The following DGKG variants were observed in gnomAD, a reference collection of about 807,000 sequenced individuals.
DGKG encodes DAG kinase gamma.
A neutral mutation model predicts 105.3 loss-of-function variants in DGKG; 78 were observed. That is an observed-to-expected ratio of 0.74 (90% CI 0.62 to 0.89). The LOEUF is 0.89. Among genes scored for constraint, DGKG ranks in the 40% least tolerant of loss-of-function variants. The pLI is 0.00. For synonymous variants in DGKG, 346 were observed against 367.1 expected, an observed-to-expected ratio of 0.94 and a Z score of 0.66; for missense variants, 958 against 1,020.1, an observed-to-expected ratio of 0.94 and a Z score of 0.83.
intron 2 of DGKG, among the ~76,000 whole-genome samples, chr3:186,310,291 C>CAAAAAAAAA (rs1724476497): frequency 1.9e-4 from 11 of 56,750 alleles, no homozygotes; most frequent in East Asian, 4.5e-4. Context: ...AAAAAAAAAC[C>CAAAAAAAAA]ACACACACAC....
At chr3:186,296,739 C>T (rs1723582720) in intron 5 of DGKG, among the ~76,000 whole-genome samples, 2 of 152,218 alleles carry the variant, frequency 1.3e-5, no homozygotes, top group Non-Finnish European at 1.5e-5. Flanking sequence ...GATTGAATCC[C>T]TGGCTCCACA....
intron 1 of DGKG, among the ~76,000 whole-genome samples, chr3:186,349,919 C>T (rs1726545770): frequency 6.6e-6 from 1 of 151,648 alleles, no homozygotes; most frequent in African/African-American, 2.4e-5. Context: ...GGGTCTCACT[C>T]TCTTGCCCAG....
At chr3:186,261,830 G>A (rs761106238) in intron 14 of DGKG, 52 bp from the exon 15 acceptor site, 10 of 1,205,838 alleles carry the variant, frequency 8.3e-6, no homozygotes, top group African/African-American at 3.0e-5. Context: ...AATAGGGGGC[G>A]TGAGATGAGA....
chr3:186,262,803 C>T (rs907654940), intron 14 of DGKG, among the ~76,000 whole-genome samples: 3 of 152,056 alleles, frequency 2.0e-5, no homozygotes, highest in Non-Finnish European at 4.4e-5. Context: ...TTCCATGTCC[C>T]GAAATGCCCA....
At chr3:186,263,994 G>A (rs1242588578) in intron 14 of DGKG, among the ~76,000 whole-genome samples, 1 of 152,202 alleles carries the variant, frequency 6.6e-6, no homozygotes, top group African/African-American at 2.4e-5. Flanking sequence ...GTGATGCCCA[G>A]AAGCATCTTG....
chr3:186,164,723 G>T (rs1716452540), intron 23 of DGKG, among the ~76,000 whole-genome samples, 175 bp downstream of exon 23: 1 of 152,192 alleles, frequency 6.6e-6, no homozygotes, highest in Admixed American at 6.5e-5. Context: ...GTTTTAGATG[G>T]GCGCATTATA....
At chr3:186,311,854 C>T (rs955997210) in intron 2 of DGKG, among the ~76,000 whole-genome samples, 6 of 129,490 alleles carry the variant, frequency 4.6e-5, no homozygotes, top group South Asian at 4.4e-4. Context: ...CGGTGGCTCA[C>T]GCCTGTAATC....
At chr3:186,298,287 A>C in intron 3 of DGKG, 58 bp from the exon 4 acceptor site, 2 of 1,490,800 alleles carry the variant, frequency 1.3e-6, no homozygotes. Context: ...AGAGAGGAAG[A>C]GAGAAGGAAA....
intron 3 of DGKG, among the ~76,000 whole-genome samples, chr3:186,302,690 C>T (rs541383298): frequency 2.0e-4 from 31 of 151,374 alleles, no homozygotes; most frequent in Non-Finnish European, 3.8e-4. Context: ...CAGTACAGTG[C>T]TGGGCACCAA....
At chr3:186,346,710 A>G (rs1388059487) in intron 1 of DGKG, among the ~76,000 whole-genome samples, 1 of 148,910 alleles carries the variant, frequency 6.7e-6, no homozygotes. Flanking sequence ...TACTGCCAGA[A>G]CAAGTTCTAC....
At chr3:186,234,129 C>T (rs1451448683) in intron 20 of DGKG, among the ~76,000 whole-genome samples, 2 of 152,234 alleles carry the variant, frequency 1.3e-5, no homozygotes, top group Admixed American at 6.5e-5. Flanking sequence ...TCTTGCATTC[C>T]AGTCACCTTT....
Position 186,288,748 on chromosome 3 carries a change from G to T in DGKG, c.506C>A (p.Ser169Tyr), listed in dbSNP as rs781091064. 6 of 1,614,164 alleles carry T rather than the reference G, an allele frequency of 3.7e-6. No homozygotes were observed. The highest frequency in any genetic ancestry group is 5.1e-6 in the Non-Finnish European group (6 of 1,180,024). ...VYLKDVVCYL[S>Y]LLETGRPQDK... ...CTGAGGCCTCCCCGTCTCCAGCAGG[G>T]ACAGGTAGCACACAACATCCTTCAG... The change falls in exon 6 of 25, where the codon TCC becomes TAC. Residue 169 changes from serine (S) to tyrosine (Y), a missense_variant. Coordinates refer to ENST00000265022, the MANE Select transcript of DGKG (RefSeq NM_001346.3).
intron 15 of DGKG, among the ~76,000 whole-genome samples, chr3:186,261,265 A>T (rs1476469870): frequency 6.6e-6 from 1 of 152,182 alleles, no homozygotes; most frequent in African/African-American, 2.4e-5. Context: ...GCCTCCGCTG[A>T]ACTGGGCATT....
chr3:186,353,767 G>A (rs1726770108), intron 1 of DGKG, among the ~76,000 whole-genome samples: 1 of 151,654 alleles, frequency 6.6e-6, no homozygotes, highest in Admixed American at 6.6e-5. Flanking sequence ...CAAGAAATGA[G>A]TCCTATGACT....
rs181009210 is a variant in DGKG at position 186,295,326 on chromosome 3, G to A, written c.373+2095C>T. On this transcript the variant is annotated intron_variant, in intron 5 of 24. Transcript: ENST00000265022. The stretch of plus-strand genomic sequence containing the variant: ...GATCATCCTGGCCAACATGGTGAAA[G>A]CCTGTTTCTACTAAAAATACCAAGA... 2.8e-4 allele frequency among the ~76,000 whole-genome samples: 42 copies of A among 151,986 alleles called. 1 individual carries two copies. Among genetic ancestry groups the A allele is most frequent in the Admixed American group, 2.7e-3 (41 of 15,274 alleles).
chr3:186,248,062 T>C (rs1721031612), intron 19 of DGKG, among the ~76,000 whole-genome samples: 1 of 152,138 alleles, frequency 6.6e-6, no homozygotes, highest in Admixed American at 6.5e-5. Context: ...AAATTAAAAC[T>C]ATGATTACTG....
rs935215421 is a variant in DGKG, at chr3:186,210,847, G to A, written c.1917+948C>T. ...AGAAGACTACGGGCCTAAATCCCAC[G>A]GGAAGGTAGGCCTGGTAGCAAGAAC... On this transcript the variant is annotated intron_variant, in intron 21 of 24. Coordinates refer to ENST00000265022, the MANE Select transcript of DGKG (RefSeq NM_001346.3). This position sits in a 1 kb window ranked among gnomAD's most constrained non-coding sequence, Gnocchi z 5.2. Among the ~76,000 whole-genome samples, 1 of 152,228 alleles carries A rather than the reference G, an allele frequency of 6.6e-6. No individual in the cohort carries two copies. The highest frequency in any genetic ancestry group is 1.9e-4 in the East Asian group (1 of 5,194).
Position 186,149,924 on chromosome 3 carries a change from C to T in DGKG, c.*166G>A, listed in dbSNP as rs549266209. 2 of 1,420,928 alleles carry T rather than the reference C, an allele frequency of 1.4e-6. No individual in the cohort carries two copies. Among genetic ancestry groups the T allele is most frequent in the South Asian group, 3.1e-5 (2 of 64,416 alleles). 88.0% of individuals were successfully genotyped at this position (1,420,928 alleles called of 1,614,324 possible). A position where few individuals can be genotyped will look rare whatever the true frequency, so the allele number is the denominator to read the frequency against. On this transcript the variant is annotated 3_prime_UTR_variant, in exon 25 of 25. Coordinates refer to ENST00000265022, the MANE Select transcript of DGKG (RefSeq NM_001346.3). Reference sequence around the variant, plus strand: ...CCCACTGTTGAAACAGAATGTATGGCAAGGTGACGTTTTCTTCCCGAAGGG... The same window carrying T: ...CCCACTGTTGAAACAGAATGTATGGTAAGGTGACGTTTTCTTCCCGAAGGG...
intron 1 of DGKG, among the ~76,000 whole-genome samples, chr3:186,352,183 T>C (rs544798230): frequency 6.6e-6 from 1 of 152,262 alleles, no homozygotes; most frequent in African/African-American, 2.4e-5. Context: ...ATATGGAAGA[T>C]GGGCATAAGT....
Sources: gnomAD v4.1 joint callset for allele counts (sites outside exome capture counted in the v4.1 genomes callset) on GRCh38, gnomAD v4.1.1 for gene constraint, Gnocchi (gnomAD v3.1) non-coding constraint, MANE v1.5 for transcripts, NCBI Gene and HGNC (gene_info 2026-07-23, HGNC 2026-07-21) for gene names.